TMEFF1: variants seen among roughly 807,000 people sequenced by gnomAD.
TMEFF1 encodes the protein transmembrane protein with EGF like and two follistatin like domains 1.
A neutral mutation model predicts 47.5 loss-of-function variants in TMEFF1; 20 were observed. The observed-to-expected ratio is 0.42, with a 90% confidence interval of 0.30 to 0.61. The LOEUF (loss-of-function observed/expected upper bound fraction) is 0.61, where lower values mean the gene tolerates loss of function less well. Among genes scored for constraint, TMEFF1 ranks in the 20% least tolerant of loss-of-function variants. The pLI is 0.19. For synonymous variants in TMEFF1, 162 were observed against 166.3 expected, an observed-to-expected ratio of 0.97 and a Z score of 0.20; for missense variants, 411 against 471.1, an observed-to-expected ratio of 0.87 and a Z score of 1.18.
intron 9 of TMEFF1, among the ~76,000 whole-genome samples, chr9:100,574,779 G>T (rs918070426): frequency 2.0e-5 from 3 of 152,134 alleles, no homozygotes; most frequent in African/African-American, 7.2e-5. Flanking sequence ...GAAGTACCTT[G>T]GTCTAAGGTC....
At chr9:100,518,002 A>C (rs1468323890) in intron 5 of TMEFF1, among the ~76,000 whole-genome samples, 1 of 152,090 alleles carries the variant, frequency 6.6e-6, no homozygotes, top group Non-Finnish European at 1.5e-5. Context: ...TCAGTGATTG[A>C]TTGGCTTGAT....
rs377653103 is a variant in TMEFF1, at chr9:100,515,803, C to CAAAT, written c.464-869_464-868insTAAA. On this transcript the variant is annotated intron_variant, in intron 4 of 9. Transcript: ENST00000374879. Reference sequence around the variant, plus strand: ...CCAGCCTGAGACTCCGTCTGAAAAACAAACAAACAAAAAAAAAAGACACTC... The same window carrying CAAAT: ...CCAGCCTGAGACTCCGTCTGAAAAACAAATAAACAAACAAAAAAAAAAGACACTC... Among the ~76,000 whole-genome samples the CAAAT allele has an allele frequency of 4.4e-3, 668 of 151,036 alleles. 6 individuals carry two copies. Among genetic ancestry groups the CAAAT allele is most frequent in the African/African-American group, 0.015 (632 of 41,164 alleles).
chr9:100,524,770 G>A (rs909503585), intron 5 of TMEFF1, among the ~76,000 whole-genome samples: 8 of 152,100 alleles, frequency 5.3e-5, no homozygotes, highest in Admixed American at 5.2e-4. Flanking sequence ...TATACTTTAA[G>A]TTCTGGGGCA....
intron 5 of TMEFF1, chr9:100,518,383 C>G (rs1838108110): frequency 1.0e-6 from 1 of 964,578 alleles, no homozygotes; most frequent in Admixed American, 6.2e-5. Context: ...TTTTGTGTGT[C>G]TATTTATCTG....
chr9:100,549,616 T>G (rs1394092005), intron 6 of TMEFF1, among the ~76,000 whole-genome samples: 1 of 152,184 alleles, frequency 6.6e-6, no homozygotes, highest in African/African-American at 2.4e-5. Flanking sequence ...TGGTTATGGC[T>G]CATTTATAGT....
intron 1 of TMEFF1, among the ~76,000 whole-genome samples, chr9:100,488,690 C>T (rs936203587): frequency 4.6e-5 from 7 of 151,950 alleles, no homozygotes; most frequent in African/African-American, 1.7e-4. Flanking sequence ...TGTTATTGTC[C>T]CCATTTTGTA....
At chr9:100,559,301 T>G (rs1253089483) in intron 7 of TMEFF1, among the ~76,000 whole-genome samples, 3 of 152,192 alleles carry the variant, frequency 2.0e-5, no homozygotes, top group Non-Finnish European at 2.9e-5. Context: ...AGAGACCTTA[T>G]AAGCCCTTTG....
At chr9:100,505,579 A>G (rs1837845737) in intron 2 of TMEFF1, among the ~76,000 whole-genome samples, 1 of 152,188 alleles carries the variant, frequency 6.6e-6, no homozygotes, top group Non-Finnish European at 1.5e-5. Flanking sequence ...TCTTGTCAAA[A>G]TTCCTACATG....
intron 2 of TMEFF1, among the ~76,000 whole-genome samples, chr9:100,501,504 C>G (rs1837759129): frequency 6.6e-6 from 1 of 151,836 alleles, no homozygotes; most frequent in Non-Finnish European, 1.5e-5. Flanking sequence ...TTTGTAAAGA[C>G]ATGTGTATGC....
chr9:100,552,570 A>G (rs1334572463), intron 7 of TMEFF1, among the ~76,000 whole-genome samples: 1 of 152,184 alleles, frequency 6.6e-6, no homozygotes, highest in East Asian at 1.9e-4. Flanking sequence ...GTCTTTGGAT[A>G]TAGAGGTGAT....
intron 4 of TMEFF1, 60 bp downstream of exon 4, chr9:100,513,393 C>CTTT: frequency 4.1e-6 from 5 of 1,233,830 alleles, no homozygotes; most frequent in Middle Eastern, 3.0e-4. Flanking sequence ...CTTTCTTTTT[C>CTTT]TTTTTTTTTT....
chr9:100,552,560 G>T (rs1004673319), intron 7 of TMEFF1, among the ~76,000 whole-genome samples: 1 of 152,192 alleles, frequency 6.6e-6, no homozygotes, highest in Non-Finnish European at 1.5e-5. Flanking sequence ...TTGTGAGTCA[G>T]TCTTTGGATA....
intron 1 of TMEFF1, among the ~76,000 whole-genome samples, chr9:100,475,705 T>C (rs1361815643): frequency 2.7e-5 from 4 of 146,962 alleles, no homozygotes; most frequent in African/African-American, 1.0e-4. Flanking sequence ...GGGTTGGTGA[T>C]GCAGAGCGAC....
At chr9:100,481,763 T>C (rs1420346344) in intron 1 of TMEFF1, among the ~76,000 whole-genome samples, 1 of 152,082 alleles carries the variant, frequency 6.6e-6, no homozygotes, top group African/African-American at 2.4e-5. Context: ...TTTGTTTATT[T>C]ATTTATTTAT....
At chr9:100,480,630 G>A (rs762104355) in intron 1 of TMEFF1, among the ~76,000 whole-genome samples, 5 of 152,168 alleles carry the variant, frequency 3.3e-5, no homozygotes, top group Non-Finnish European at 2.9e-5. Context: ...AATGGACATT[G>A]TAGATCTAAT....
At chr9:100,520,725 G>A (rs2118402933) in intron 5 of TMEFF1, among the ~76,000 whole-genome samples, 1 of 152,274 alleles carries the variant, frequency 6.6e-6, no homozygotes, top group East Asian at 1.9e-4. Flanking sequence ...GCTATTCTGA[G>A]CAGTTCTGTT....
intron 5 of TMEFF1, among the ~76,000 whole-genome samples, chr9:100,523,342 G>A (rs1275733724): frequency 6.6e-6 from 1 of 152,076 alleles, no homozygotes; most frequent in Non-Finnish European, 1.5e-5. Context: ...CATATTCTGT[G>A]TCCCTCCTTG....
At chr9:100,524,981 C>G (rs1838229349) in intron 5 of TMEFF1, among the ~76,000 whole-genome samples, 1 of 152,116 alleles carries the variant, frequency 6.6e-6, no homozygotes, top group Non-Finnish European at 1.5e-5. Context: ...GAATCTGGGC[C>G]AGGCTTACCT....
intron 2 of TMEFF1, among the ~76,000 whole-genome samples, chr9:100,507,408 TGTTTTAA>T (rs1486873061): frequency 6.6e-6 from 1 of 152,228 alleles, no homozygotes; most frequent in African/African-American, 2.4e-5. Context: ...ATGGTAGTTC[TGTTTTAA>T]GTTCTTTGAG....
Sources: gnomAD v4.1 joint callset for allele counts (sites outside exome capture counted in the v4.1 genomes callset) on GRCh38, gnomAD v4.1.1 for gene constraint, MANE v1.5 for transcripts, NCBI Gene and HGNC (gene_info 2026-07-23, HGNC 2026-07-21) for gene names.